Variants in ZMYND11 observed in about 807,000 individuals in gnomAD.
ZMYND11 encodes the protein zinc finger MYND-type containing 11.
A neutral mutation model predicts 84.9 loss-of-function variants in ZMYND11; 9 were observed. That is an observed-to-expected ratio of 0.11 (90% CI 0.06 to 0.18). ZMYND11 has a LOEUF of 0.18. Ranked by LOEUF, ZMYND11 falls within the 10% of genes least tolerant of loss-of-function variation. ZMYND11 has a pLI of 1.00. For missense variants in ZMYND11, 409 were observed against 761.0 expected, an observed-to-expected ratio of 0.54 and a Z score of 5.44; for synonymous variants, 250 against 244.1, an observed-to-expected ratio of 1.02 and a Z score of -0.23.
intron 4 of ZMYND11, among the ~76,000 whole-genome samples, chr10:222,900 G>A (rs187063359): frequency 6.6e-6 from 1 of 152,206 alleles, no homozygotes; most frequent in Admixed American, 6.5e-5. Context: ...AAGCTTCTTT[G>A]TAGATATTTT....
chr10:162,069 A>C (rs1458264066), intron 1 of ZMYND11, among the ~76,000 whole-genome samples: 1 of 151,626 alleles, frequency 6.6e-6, no homozygotes, highest in African/African-American at 2.4e-5. Flanking sequence ...GAGAGATGTG[A>C]CTCTTCGTTC....
At chr10:174,729 G>C (rs188134285) in intron 1 of ZMYND11, among the ~76,000 whole-genome samples, 14 of 151,840 alleles carry the variant, frequency 9.2e-5, no homozygotes, top group Non-Finnish European at 1.6e-4. Context: ...GCACATGCTT[G>C]TCATTCATAC....
chr10:237,610 A>C lies in ZMYND11; in HGVS notation c.542A>C (p.Lys181Thr). ...ERAIDLNKKG[K>T]DNKHPMYRRL... is the part of the protein sequence containing the mutation. ...GCTATAGATCTTAATAAAAAGGGGA[A>C]GGACAATAAACACCCGATGTACAGG... Residue 181 changes from lysine (K) to threonine (T), a missense_variant, in exon 6 of 15, where the codon AAG (lysine) becomes ACG (threonine). By Grantham distance (78) the Lys-to-Thr change is moderately conservative. Around this residue, in one of 7 missense-constraint regions of ZMYND11, gnomAD observed 53 missense variants for 71.1 expected, o/e 0.75. Transcript: ENST00000381604. The C allele has an allele frequency of 6.2e-7, 1 of 1,613,428 alleles. No homozygotes were observed. Among genetic ancestry groups the C allele is most frequent in the Non-Finnish European group, 8.5e-7 (1 of 1,179,710 alleles).
intron 1 of ZMYND11, among the ~76,000 whole-genome samples, chr10:144,093 T>G (rs1838133824): frequency 6.6e-6 from 1 of 152,182 alleles, no homozygotes; most frequent in Non-Finnish European, 1.5e-5. Flanking sequence ...AATTTTAGTC[T>G]TAGTTATTTT....
At chr10:239,857 TACCCTGAGA>T (rs1950586888) in intron 7 of ZMYND11, 190 bp from the exon 8 acceptor site, 1 of 566,136 alleles carries the variant, frequency 1.8e-6, no homozygotes, top group Admixed American at 3.3e-5. Flanking sequence ...TCATTCTCTA[TACCCTGAGA>T]ATTAGTGGTT....
At chr10:180,778 T>TA (rs1379391734) in intron 2 of ZMYND11, among the ~76,000 whole-genome samples, 1 of 152,246 alleles carries the variant, frequency 6.6e-6, no homozygotes, top group Non-Finnish European at 1.5e-5. Flanking sequence ...TACTGTTTAT[T>TA]ACTAATTTTA....
chr10:196,021 G>A (rs1198545810), intron 2 of ZMYND11, among the ~76,000 whole-genome samples: 1 of 152,166 alleles, frequency 6.6e-6, no homozygotes, highest in Admixed American at 6.5e-5. Flanking sequence ...AATCACTGTT[G>A]TACTGTTCCC....
chr10:234,547 C>T (rs1005834697), intron 4 of ZMYND11, among the ~76,000 whole-genome samples: 9 of 152,224 alleles, frequency 5.9e-5, no homozygotes, highest in Admixed American at 3.3e-4. Context: ...TATTACAAGA[C>T]TTCTAACCTG....
At chr10:212,519 G>A (rs1203572036) in intron 3 of ZMYND11, among the ~76,000 whole-genome samples, 25 of 151,118 alleles carry the variant, frequency 1.7e-4, no homozygotes, top group Admixed American at 1.6e-3. Flanking sequence ...GTAAGATCTC[G>A]TATGTCACAA....
At chr10:196,326 T>C (rs995822947) in intron 2 of ZMYND11, among the ~76,000 whole-genome samples, 1 of 152,226 alleles carries the variant, frequency 6.6e-6, no homozygotes, top group African/African-American at 2.4e-5. Context: ...TTCAGTGTTA[T>C]CAAGAGGAAT....
chr10:233,976 AAGAT>A (rs370337848), intron 4 of ZMYND11, among the ~76,000 whole-genome samples: 44 of 152,364 alleles, frequency 2.9e-4, no homozygotes, highest in African/African-American at 7.0e-4. Flanking sequence ...TCTATTTAAA[AAGAT>A]AGAACCTGAA....
At chr10:232,409 A>G (rs1469482174) in intron 4 of ZMYND11, among the ~76,000 whole-genome samples, 1 of 152,222 alleles carries the variant, frequency 6.6e-6, no homozygotes, top group Admixed American at 6.5e-5. Context: ...AAAACCCTCA[A>G]GTTTTTCAAA....
At chr10:174,702 C>T (rs1467021563) in intron 1 of ZMYND11, among the ~76,000 whole-genome samples, 2,618 of 150,584 alleles carry the variant, frequency 0.017, 73 homozygotes, top group African/African-American at 0.061. Context: ...TGGTCAAAAC[C>T]CATGAGTACT....
intron 1 of ZMYND11, among the ~76,000 whole-genome samples, chr10:145,619 G>C (rs577841347): frequency 6.6e-6 from 1 of 152,220 alleles, no homozygotes; most frequent in South Asian, 2.1e-4. Context: ...CCTCACTGTG[G>C]TTTTAATTTG....
At chr10:178,800 T>C (rs1847218172) in intron 1 of ZMYND11, among the ~76,000 whole-genome samples, 1 of 152,186 alleles carries the variant, frequency 6.6e-6, no homozygotes, top group South Asian at 2.1e-4. Flanking sequence ...AGACATCTTA[T>C]TTTAGGAGCC....
At chr10:202,849 C>T (rs547886988) in intron 2 of ZMYND11, among the ~76,000 whole-genome samples, 3 of 151,998 alleles carry the variant, frequency 2.0e-5, no homozygotes, top group African/African-American at 7.3e-5. Context: ...CAAAGCAGAC[C>T]TCTTCTTGTG....
chr10:216,530 C>T (rs924289461), intron 3 of ZMYND11, among the ~76,000 whole-genome samples: 3 of 152,004 alleles, frequency 2.0e-5, no homozygotes, highest in Non-Finnish European at 4.4e-5. Context: ...GTGTGAGATA[C>T]AACTTACTCT....
chr10:141,334 G>C (rs976332029), intron 1 of ZMYND11, among the ~76,000 whole-genome samples: 2 of 152,114 alleles, frequency 1.3e-5, no homozygotes, highest in Non-Finnish European at 2.9e-5. Flanking sequence ...AGATGAGGGA[G>C]GGTTCTTGCC....
chr10:242,749 T>C (rs1455219107), intron 10 of ZMYND11, among the ~76,000 whole-genome samples: 1 of 152,212 alleles, frequency 6.6e-6, no homozygotes, highest in Non-Finnish European at 1.5e-5. Context: ...CAGGAGGTTA[T>C]TAGTGCATAG....
Sources: allele counts gnomAD v4.1 joint callset (sites outside exome capture counted in the v4.1 genomes callset), GRCh38; gene constraint gnomAD v4.1.1; regional missense constraint gnomAD v4.1.1; transcripts MANE v1.5; gene names NCBI Gene and HGNC (gene_info 2026-07-23, HGNC 2026-07-21).